ALPK2: variants seen among roughly 807,000 people sequenced by gnomAD.
ALPK2 encodes the protein alpha kinase 2.
ALPK2 carries 127 observed loss-of-function variants against 163.1 expected under a neutral mutation model. The observed-to-expected ratio is 0.78, with a 90% CI of 0.67 to 0.90. The LOEUF (loss-of-function observed/expected upper bound fraction) is 0.90, where lower values mean the gene tolerates loss of function less well. Ranked by LOEUF, ALPK2 falls within the 40% of genes least tolerant of loss-of-function variation. ALPK2 has a pLI of 0.00. For missense variants in ALPK2, 2,360 were observed against 2,589.6 expected (o/e 0.91, Z 1.92); for synonymous variants, 953 against 959.1 (o/e 0.99, Z 0.12).
At chr18:58,580,950 T>C (rs2051956050) in intron 3 of ALPK2, 1 of 163,672 alleles carries the variant, frequency 6.1e-6, no homozygotes, top group Non-Finnish European at 1.3e-5. Flanking sequence ...ATTTAGCATA[T>C]CATCAAGAAA....
chr18:58,527,249 G>A (rs2051589331), intron 6 of ALPK2, among the ~76,000 whole-genome samples: 1 of 152,212 alleles, frequency 6.6e-6, no homozygotes, highest in South Asian at 2.1e-4. Flanking sequence ...ACGCTGGACT[G>A]GAAGTAGGCA....
intron 3 of ALPK2, chr18:58,580,991 C>G (rs781326201): frequency 1.3e-5 from 2 of 155,692 alleles, no homozygotes; most frequent in Non-Finnish European, 2.8e-5. Context: ...CAGCAGCCCT[C>G]AAGGCTGCTC....
At chr18:58,609,960 T>C (rs1015769157) in intron 2 of ALPK2, among the ~76,000 whole-genome samples, 14 of 152,108 alleles carry the variant, frequency 9.2e-5, no homozygotes, top group African/African-American at 3.4e-4. Flanking sequence ...AGCGCACAGT[T>C]CTACACTGCA....
Position 58,624,647 on chromosome 18 carries a change from T to G in ALPK2, c.-21+4117A>C, listed in dbSNP as rs1003421142. ...TTTTGTATTTTCAGTAGAGGCAGGG[T>G]TTCACCATGTTGGCCAAGCTGGTCT... On this transcript the variant is annotated intron_variant, in intron 1 of 12. Transcript: ENST00000361673. 1.1e-3 allele frequency among the ~76,000 whole-genome samples: 162 copies of G among 152,096 alleles called. 1 individual carries two copies. Among genetic ancestry groups the G allele is most frequent in the African/African-American group, 3.7e-3 (152 of 41,510 alleles).
chr18:58,564,059 A>T (rs2051838088), intron 4 of ALPK2, among the ~76,000 whole-genome samples: 1 of 151,886 alleles, frequency 6.6e-6, no homozygotes, highest in African/African-American at 2.4e-5. Context: ...GGAGGAAGGC[A>T]GAAAGGAATG....
chr18:58,568,245 A>T (rs1387352798), intron 4 of ALPK2, among the ~76,000 whole-genome samples: 1 of 152,214 alleles, frequency 6.6e-6, no homozygotes, highest in Admixed American at 6.5e-5. Context: ...GGAACGCCTT[A>T]TGTGTGAAGA....
At chr18:58,566,354 T>C (rs2051853041) in intron 4 of ALPK2, 1 of 152,140 alleles carries the variant, frequency 6.6e-6, no homozygotes, top group African/African-American at 2.4e-5. Context: ...CTCAGTTTGG[T>C]TTATCTACTT....
At position 58,498,784 on chromosome 18, in the gene ALPK2, T is replaced by C. The variant is rs552368033; in HGVS notation, c.6248-687A>G. On this transcript the variant is annotated intron_variant, in intron 11 of 12. Transcript: ENST00000361673. The stretch of plus-strand genomic sequence containing the variant: ...TCATTCTGTCTGTGGCCTGCTGCCA[T>C]GTAAGACGTGCCTTCCGCCTTCCAC... Among the ~76,000 whole-genome samples the C allele has an allele frequency of 1.4e-3, 212 of 152,340 alleles. 1 individual carries two copies. The highest frequency in any genetic ancestry group is 2.3e-3 in the Non-Finnish European group (154 of 68,036).
chr18:58,521,919 G>A (rs1307411363), intron 8 of ALPK2, among the ~76,000 whole-genome samples: 1 of 152,100 alleles, frequency 6.6e-6, no homozygotes, highest in Non-Finnish European at 1.5e-5. Context: ...GAGCCACCGC[G>A]CCTGGCCTAT....
At chr18:58,494,827 C>T (rs552452495) in intron 12 of ALPK2, among the ~76,000 whole-genome samples, 1 of 152,360 alleles carries the variant, frequency 6.6e-6, no homozygotes, top group Admixed American at 6.5e-5. Context: ...TGCCTCCCAC[C>T]TGGACTTTCC....
intron 3 of ALPK2, among the ~76,000 whole-genome samples, chr18:58,602,868 C>T (rs1490745840): frequency 1.3e-5 from 2 of 152,190 alleles, no homozygotes; most frequent in South Asian, 2.1e-4. Context: ...GACCTCTGGT[C>T]GTCCACATGG....
intron 4 of ALPK2, among the ~76,000 whole-genome samples, chr18:58,576,255 T>A (rs1181310220): frequency 1.3e-5 from 2 of 152,114 alleles, no homozygotes; most frequent in African/African-American, 4.8e-5. Context: ...GTGCCTGTAA[T>A]CTCAGCTACT....
Position 58,538,151 on chromosome 18 carries a change from TC to T in ALPK2, c.2035del (p.Glu679ArgfsTer16). The T allele has an allele frequency of 6.2e-7, 1 of 1,613,944 alleles. No homozygotes were observed. The highest frequency in any genetic ancestry group is 8.5e-7 in the Non-Finnish European group (1 of 1,180,008). ...QMPAFSEPAGEESPFTGTTTI... is the reference protein window; with the variant it reads ...QMPAFSEPAGXESPFTGTTTI... ...TGTGGTCCCAGTGAATGGGGACTCC[TC>T]CCCAGCAGGCTCTGAGAAAGCTGGC... On this transcript the variant is annotated frameshift_variant, in exon 5 of 13. Coordinates refer to ENST00000361673, the MANE Select transcript of ALPK2 (RefSeq NM_052947.4). LOFTEE classifies it high-confidence loss of function.
chr18:58,603,289 C>G (rs182204766), intron 3 of ALPK2, among the ~76,000 whole-genome samples: 5 of 152,188 alleles, frequency 3.3e-5, no homozygotes, highest in Admixed American at 6.5e-5. Flanking sequence ...TAAATAAGGT[C>G]GCATTCTGAG....
At chr18:58,523,340 G>A (rs1166552322) in intron 8 of ALPK2, among the ~76,000 whole-genome samples, 1 of 151,952 alleles carries the variant, frequency 6.6e-6, no homozygotes, top group Non-Finnish European at 1.5e-5. Flanking sequence ...TTGGTTCCAA[G>A]TCTTTGCTAT....
chr18:58,497,999 G>A (rs367710468), intron 12 of ALPK2, 50 bp downstream of exon 12: 5 of 1,567,300 alleles, frequency 3.2e-6, no homozygotes, highest in Non-Finnish European at 4.4e-6. Flanking sequence ...CCTGGAAGGT[G>A]TCTGTAAGCC....
Position 58,579,255 on chromosome 18 carries a change from C to T in ALPK2, c.1521G>A (p.Gly507=), listed in dbSNP as rs776962818. 3 of 1,614,168 alleles carry T rather than the reference C, an allele frequency of 1.9e-6. No individual in the cohort carries two copies. Among genetic ancestry groups the T allele is most frequent in the Non-Finnish European group, 2.5e-6 (3 of 1,180,018 alleles). ...KLLSGESENS[G]MSQCWETAAD... ...CTGCCGTCTCCCAACACTGGCTCAT[C>T]CCTGAGTTTTCTGACTCACCAGACA... Residue 507 remains glycine (G), a synonymous_variant, in exon 4 of 13, where the codon GGG becomes GGA. Transcript: ENST00000361673.
At chr18:58,562,788 G>A (rs7234056) in intron 4 of ALPK2, among the ~76,000 whole-genome samples, 57,034 of 152,078 alleles carry the variant, frequency 0.38, 10,820 homozygotes, top group Admixed American at 0.42. Context: ...AGTTCTTGGT[G>A]AGGGTTCTCT....
chr18:58,560,480 G>A (rs529595813), intron 4 of ALPK2, among the ~76,000 whole-genome samples: 3 of 152,180 alleles, frequency 2.0e-5, no homozygotes, highest in South Asian at 2.1e-4. Context: ...GACCTTCAAA[G>A]CCAGCACAGT....
Sources: allele counts gnomAD v4.1 joint callset (sites outside exome capture counted in the v4.1 genomes callset), GRCh38; gene constraint gnomAD v4.1.1; transcripts MANE v1.5; gene names NCBI Gene and HGNC (gene_info 2026-07-23, HGNC 2026-07-21).